Variants in CKAP2L observed in about 807,000 individuals in gnomAD.
CKAP2L encodes the protein cytoskeleton-associated protein 2-like.
A neutral mutation model predicts 65.7 loss-of-function variants in CKAP2L; 42 were observed. The ratio of observed to expected loss-of-function variants is 0.64; its 90% CI spans 0.50 to 0.83. CKAP2L has a LOEUF of 0.83. CKAP2L is among the 40% of genes least tolerant of loss of function. CKAP2L has a pLI of 0.00. For synonymous variants in CKAP2L, 325 were observed against 313.5 expected (o/e 1.04, Z -0.39); for missense variants, 908 against 871.0 (o/e 1.04, Z -0.53).
At chr2:112,754,023 GCA>G (rs925656398) in intron 4 of CKAP2L, among the ~76,000 whole-genome samples, 5 of 152,186 alleles carry the variant, frequency 3.3e-5, no homozygotes, top group Non-Finnish European at 4.4e-5. Flanking sequence ...CCAGTTCCCA[GCA>G]CAGTGCCTAG....
chr2:112,764,114 G>A lies in CKAP2L; in HGVS notation c.37+448C>T, dbSNP rs1029839689. ...ACTTCTAACCACCGCAGGCTGAGAG[G>A]TGTGGAGTGAGAGCCCCGCCAGAGG... is the stretch of plus-strand genomic sequence containing the variant. On this transcript the variant is annotated intron_variant, in intron 1 of 8. Coordinates refer to ENST00000302450, the MANE Select transcript of CKAP2L (RefSeq NM_152515.5). 7 of 223,236 alleles carry A rather than the reference G, an allele frequency of 3.1e-5. No individual in the cohort carries two copies. In the East Asian group the frequency reaches 9.5e-4, roughly 30 times the overall value. The allele number at this position is 223,236 out of a possible 1,614,324, so 13.8% of individuals were successfully genotyped here.
At chr2:112,743,500 C>T (rs913104866) in intron 6 of CKAP2L, among the ~76,000 whole-genome samples, 12 of 152,000 alleles carry the variant, frequency 7.9e-5, no homozygotes, top group African/African-American at 2.7e-4. Flanking sequence ...TGCAATGGTG[C>T]GGTATCGGCT....
intron 5 of CKAP2L, among the ~76,000 whole-genome samples, chr2:112,751,760 A>G (rs1025915110): frequency 2.0e-5 from 3 of 152,004 alleles, no homozygotes; most frequent in Non-Finnish European, 4.4e-5. Context: ...TTCAGGAAAA[A>G]TTTCTCCTAA....
At chr2:112,746,087 A>G (rs1351288581) in intron 6 of CKAP2L, among the ~76,000 whole-genome samples, 1 of 152,248 alleles carries the variant, frequency 6.6e-6, no homozygotes, top group Non-Finnish European at 1.5e-5. Flanking sequence ...GGAAAAAGGT[A>G]TCACACAGAA....
intron 6 of CKAP2L, among the ~76,000 whole-genome samples, chr2:112,745,536 C>G (rs547398175): frequency 6.6e-6 from 1 of 152,078 alleles, no homozygotes; most frequent in Non-Finnish European, 1.5e-5. Context: ...CCCGCCACCA[C>G]GCCCGGCTAA....
intron 6 of CKAP2L, among the ~76,000 whole-genome samples, chr2:112,743,374 C>T (rs1680089610): frequency 1.3e-5 from 2 of 152,074 alleles, no homozygotes; most frequent in Non-Finnish European, 1.5e-5. Context: ...GATCTCCTGA[C>T]ATCGTGATCC....
intron 5 of CKAP2L, among the ~76,000 whole-genome samples, chr2:112,749,848 G>A (rs761319372): frequency 1.3e-5 from 2 of 152,154 alleles, no homozygotes; most frequent in Non-Finnish European, 2.9e-5. Context: ...CTGCCAGCAG[G>A]GGGCACGAGA....
At chr2:112,740,068 GT>G (rs1482490408) in intron 8 of CKAP2L, among the ~76,000 whole-genome samples, 1 of 152,186 alleles carries the variant, frequency 6.6e-6, no homozygotes, top group Non-Finnish European at 1.5e-5. Context: ...GTAATTAGTG[GT>G]TTTGTGAATT....
At chr2:112,764,426 G>A in intron 1 of CKAP2L, 136 bp downstream of exon 1, 1 of 968,226 alleles carries the variant, frequency 1.0e-6, no homozygotes, top group Non-Finnish European at 1.6e-6. Context: ...GCGCTCCCGG[G>A]ATGGAAAACG....
At position 112,757,185 on chromosome 2, in the gene CKAP2L, G is replaced by T. The variant is rs200907782; in HGVS notation, c.186C>A (p.Asn62Lys). The change falls in exon 4 of 9, where the codon AAC (asparagine) becomes AAA (lysine). Residue 62 changes from asparagine (N) to lysine (K), a missense_variant. Physicochemically the swap from Asn to Lys is moderately conservative, Grantham distance 94 (BLOSUM62 0). Transcript: ENST00000302450. ...STIRPKNDVT[N>K]HVVLPVKPKR... ...TAGGTTTGACAGGCAAAACAACATG[G>T]TTGGTAACATCATTTTTGGGTCTAA... The T allele has an allele frequency of 1.9e-6, 3 of 1,608,966 alleles. No individual in the cohort carries two copies. Among genetic ancestry groups the T allele is most frequent in the Non-Finnish European group, 2.5e-6 (3 of 1,177,462 alleles).
chr2:112,741,948 T>G (rs2104858910), intron 7 of CKAP2L, among the ~76,000 whole-genome samples: 1 of 147,182 alleles, frequency 6.8e-6, no homozygotes, highest in Non-Finnish European at 1.5e-5. Context: ...CTGTTTTTTT[T>G]TTTTTTTTTT....
Position 112,737,252 on chromosome 2 carries a change from C to G in CKAP2L, c.*1571G>C, listed in dbSNP as rs1456318987. 1 of 152,120 alleles carries G rather than the reference C, an allele frequency of 6.6e-6. No individual in the cohort carries two copies. Among genetic ancestry groups the G allele is most frequent in the Non-Finnish European group, 1.5e-5 (1 of 68,022 alleles). 9.4% of individuals were successfully genotyped at this position (152,120 alleles called of 1,614,324 possible). A position where few individuals can be genotyped will look rare whatever the true frequency, so the allele number is the denominator to read the frequency against. Reference sequence around the variant, plus strand: ...CATCTTCTTTGGGTACATACTTACTCAGAAGAGGGTCAGATAACAGTTCTA... The same window carrying G: ...CATCTTCTTTGGGTACATACTTACTGAGAAGAGGGTCAGATAACAGTTCTA... On this transcript the variant is annotated 3_prime_UTR_variant, in exon 9 of 9. Coordinates refer to ENST00000302450, the MANE Select transcript of CKAP2L (RefSeq NM_152515.5).
At chr2:112,742,451 G>C (rs1680040531) in intron 7 of CKAP2L, 1 of 717,690 alleles carries the variant, frequency 1.4e-6, no homozygotes, top group African/African-American at 1.7e-5. Flanking sequence ...TGCCATCTAG[G>C]ATTCCAAGGA....
rs958562984 is a variant in CKAP2L, at chr2:112,764,453, G to A, written c.37+109C>T. 3.5e-5 allele frequency: 43 copies of A among 1,231,442 alleles called. No individual in the cohort carries two copies. In the East Asian group the frequency reaches 8.4e-4, roughly 24 times the overall value. The allele number at this position is 1,231,442 out of a possible 1,614,324, so 76.3% of individuals were successfully genotyped here. ...TGGAAAACGCCCAGGGGAAACTTAG[G>A]CAGGCGAGCGGACGGGCACCTCCCG... On this transcript the variant is annotated intron_variant, in intron 1 of 8. Transcript: ENST00000302450.
At chr2:112,740,595 G>A (rs1466604135) in intron 8 of CKAP2L, among the ~76,000 whole-genome samples, 1 of 152,120 alleles carries the variant, frequency 6.6e-6, no homozygotes, top group Admixed American at 6.5e-5. Context: ...GTCAGGACTT[G>A]CAGGAAAGGC....
intron 4 of CKAP2L, among the ~76,000 whole-genome samples, 184 bp from the exon 5 acceptor site, chr2:112,752,658 A>G (rs1680409752): frequency 6.6e-6 from 1 of 152,254 alleles, no homozygotes; most frequent in Non-Finnish European, 1.5e-5. Flanking sequence ...CCCACCCACG[A>G]GAAGGCAGAC....
chr2:112,746,010 C>T (rs114345024), intron 6 of CKAP2L, among the ~76,000 whole-genome samples: 2,315 of 152,180 alleles, frequency 0.015, 52 homozygotes, highest in African/African-American at 0.053. Flanking sequence ...TCTTACTGAA[C>T]GAAACTTATC....
At chr2:112,742,662 G>T in intron 7 of CKAP2L, 44 bp downstream of exon 7, 2 of 1,221,990 alleles carry the variant, frequency 1.6e-6, no homozygotes, top group Non-Finnish European at 1.2e-6. Context: ...GATTTTTACT[G>T]GTACAGCTAG....
intron 1 of CKAP2L, among the ~76,000 whole-genome samples, chr2:112,762,846 C>A (rs528744821): frequency 2.2e-3 from 338 of 151,156 alleles, no homozygotes; most frequent in African/African-American, 7.9e-3. Context: ...GGCAGTGGCA[C>A]AACCACGGCT....
Sources: allele counts gnomAD v4.1 joint callset (sites outside exome capture counted in the v4.1 genomes callset), GRCh38; gene constraint gnomAD v4.1.1; transcripts MANE v1.5; gene names NCBI Gene and HGNC (gene_info 2026-07-23, HGNC 2026-07-21).